Variants in NOL4 observed in about 807,000 individuals in gnomAD.
The protein encoded by NOL4 is nucleolar protein 4.
Under a neutral mutation model 75.9 loss-of-function variants are expected in NOL4, and 17 were observed. The observed-to-expected ratio is 0.22, with a 90% CI of 0.15 to 0.34. The LOEUF (loss-of-function observed/expected upper bound fraction) is 0.34, where lower values mean the gene tolerates loss of function less well. NOL4 is among the 10% of genes least tolerant of loss of function. The probability of loss-of-function intolerance (pLI) is 1.00; values close to 1 mark genes in which losing one functional copy is unlikely to be tolerated. For missense variants in NOL4, 614 were observed against 793.5 expected (o/e 0.77, Z 2.72); for synonymous variants, 292 against 289.9 (o/e 1.01, Z -0.07).
At chr18:33,952,223 T>A (rs1382430906) in intron 8 of NOL4, among the ~76,000 whole-genome samples, 1 of 152,160 alleles carries the variant, frequency 6.6e-6, no homozygotes, top group Admixed American at 6.6e-5. Flanking sequence ...AAGTAAAAGA[T>A]GCAGTGATAA....
At chr18:34,217,489 G>C (rs1260238324) in intron 1 of NOL4, among the ~76,000 whole-genome samples, 1 of 151,900 alleles carries the variant, frequency 6.6e-6, no homozygotes, top group Non-Finnish European at 1.5e-5. Context: ...GTTTCACTGT[G>C]TTGCCCAGGC....
chr18:33,909,522 G>C (rs1318650145), intron 9 of NOL4, among the ~76,000 whole-genome samples: 1 of 152,112 alleles, frequency 6.6e-6, no homozygotes, highest in East Asian at 1.9e-4. Context: ...ATAATTTGCT[G>C]TTTCCTGAAA....
At position 33,864,878 on chromosome 18, in the gene NOL4, G is replaced by A. The variant is rs149399376; in HGVS notation, c.1724-11843C>T. ...ACATCTTATATGGTGGCAGGTGAGA[G>A]AGTATGTGAAGGAGGAACTGTCAAA... On this transcript the variant is annotated intron_variant, in intron 10 of 10. Coordinates refer to ENST00000261592, the MANE Select transcript of NOL4 (RefSeq NM_003787.5). Among the ~76,000 whole-genome samples, 241 of 152,250 alleles carry A rather than the reference G, an allele frequency of 1.6e-3. 3 individuals carry two copies. The highest frequency in any genetic ancestry group is 5.6e-3 in the African/African-American group (231 of 41,564).
intron 5 of NOL4, among the ~76,000 whole-genome samples, chr18:34,044,081 C>T (rs938234982): frequency 6.6e-6 from 1 of 151,988 alleles, no homozygotes; most frequent in Admixed American, 6.6e-5. Flanking sequence ...GTTTATGTCA[C>T]TTAACTCTAT....
intron 10 of NOL4, among the ~76,000 whole-genome samples, chr18:33,875,232 G>A (rs1327854199): frequency 6.6e-6 from 1 of 152,034 alleles, no homozygotes; most frequent in African/African-American, 2.4e-5. Context: ...CTTCCTGATA[G>A]AAAGAAAGCA....
chr18:34,011,974 C>A (rs1409452757), intron 6 of NOL4, among the ~76,000 whole-genome samples: 1 of 151,862 alleles, frequency 6.6e-6, no homozygotes, highest in Non-Finnish European at 1.5e-5. Context: ...CTTTTCAAGG[C>A]ATAAATTATA....
In NOL4 at chr18:34,005,351, C is replaced by G. The variant is rs960355903; in HGVS notation, c.1056+13967G>C. On this transcript the variant is annotated intron_variant, in intron 6 of 10. Coordinates refer to ENST00000261592, the MANE Select transcript of NOL4 (RefSeq NM_003787.5). ...TGGATTCTTCCTGTTTTCTGGCTCT[C>G]TGCTTCATCTTGATCCTTCATCACT... Among the ~76,000 whole-genome samples, 4 of 152,172 alleles carry G rather than the reference C, an allele frequency of 2.6e-5. No homozygotes were observed. The South Asian group carries it at 8.3e-4, about 32-fold the overall frequency.
intron 1 of NOL4, among the ~76,000 whole-genome samples, chr18:34,201,723 A>G (rs2035756899): frequency 1.3e-5 from 2 of 151,880 alleles, no homozygotes; most frequent in South Asian, 4.1e-4. Context: ...TCTCAGTTCC[A>G]TAACAACCAC....
rs1199845224 is a variant in NOL4, at chr18:33,851,748, T to G, written c.*1094A>C. ...GGCACAGTTCATTGTAAGTTGCAGC[T>G]GCATCCGCTGAGAGTTCCTTACATT... On this transcript the variant is annotated 3_prime_UTR_variant, in exon 11 of 11. Transcript: ENST00000261592. The G allele has an allele frequency of 6.6e-6, 1 of 152,506 alleles. No homozygotes were observed. Among genetic ancestry groups the G allele is most frequent in the Admixed American group, 6.6e-5 (1 of 15,250 alleles). The allele number at this position is 152,506 out of a possible 1,614,324, so 9.4% of individuals were successfully genotyped here. A position where few individuals can be genotyped will look rare whatever the true frequency, so the allele number is the denominator to read the frequency against.
At chr18:33,902,975 T>C (rs2145010926) in intron 9 of NOL4, among the ~76,000 whole-genome samples, 1 of 152,306 alleles carries the variant, frequency 6.6e-6, no homozygotes, top group South Asian at 2.1e-4. Flanking sequence ...TGTTCAAATA[T>C]TTTGAGCCCT....
intron 2 of NOL4, among the ~76,000 whole-genome samples, chr18:34,120,055 G>T (rs1199730710): frequency 6.6e-6 from 1 of 152,162 alleles, no homozygotes; most frequent in African/African-American, 2.4e-5. Context: ...AATATAACTG[G>T]TTATCCTGTG....
chr18:34,048,538 G>C (rs183954220), intron 5 of NOL4: 8 of 985,336 alleles, frequency 8.1e-6, no homozygotes, highest in Non-Finnish European at 9.6e-6. Context: ...CCTTTCTCTC[G>C]AAGTGCACCC....
chr18:34,098,059 T>A lies in NOL4; in HGVS notation c.640-4462A>T, dbSNP rs79325406. Among the ~76,000 whole-genome samples the A allele has an allele frequency of 7.2e-5, 11 of 152,306 alleles. No homozygotes were observed. The East Asian group carries it at 1.3e-3, about 19-fold the overall frequency. ...TAATAAAGGAGGTTGGGGTTTTTTT[T>A]ATGGATATTGACCATGTAGTGGATA... On this transcript the variant is annotated intron_variant, in intron 4 of 10. Coordinates refer to ENST00000261592, the MANE Select transcript of NOL4 (RefSeq NM_003787.5).
At chr18:34,209,930 T>C (rs949895448) in intron 1 of NOL4, among the ~76,000 whole-genome samples, 3 of 152,196 alleles carry the variant, frequency 2.0e-5, no homozygotes, top group Non-Finnish European at 2.9e-5. Context: ...TCCTCAGTTA[T>C]CAAGACAATA....
chr18:33,918,492 T>C (rs1485765766), intron 9 of NOL4, among the ~76,000 whole-genome samples: 1 of 152,180 alleles, frequency 6.6e-6, no homozygotes, highest in African/African-American at 2.4e-5. Context: ...TCTTCACCCA[T>C]GCTAAGATCT....
intron 1 of NOL4, among the ~76,000 whole-genome samples, chr18:34,154,558 A>G (rs1306747199): frequency 1.3e-5 from 2 of 152,078 alleles, no homozygotes; most frequent in African/African-American, 2.4e-5. Context: ...AAAATATGCA[A>G]TAAGTTATTT....
intron 1 of NOL4, among the ~76,000 whole-genome samples, chr18:34,182,697 T>C (rs1408422741): frequency 6.6e-6 from 1 of 151,636 alleles, no homozygotes; most frequent in African/African-American, 2.4e-5. Context: ...TATCTTTGGG[T>C]AGTGAGAATA....
At chr18:34,055,922 C>A (rs1046582806) in intron 5 of NOL4, among the ~76,000 whole-genome samples, 2 of 151,954 alleles carry the variant, frequency 1.3e-5, no homozygotes, top group African/African-American at 2.4e-5. Flanking sequence ...TTCAATTCAG[C>A]AATTCAGTTA....
At chr18:34,031,207 C>T (rs1470271946) in intron 5 of NOL4, among the ~76,000 whole-genome samples, 2 of 152,140 alleles carry the variant, frequency 1.3e-5, no homozygotes, top group African/African-American at 2.4e-5. Flanking sequence ...AGGCTATGTC[C>T]GTCTTTGTTC....
Sources: allele counts gnomAD v4.1 joint callset (sites outside exome capture counted in the v4.1 genomes callset), GRCh38; gene constraint gnomAD v4.1.1; transcripts MANE v1.5; gene names NCBI Gene and HGNC (gene_info 2026-07-23, HGNC 2026-07-21).